MAP4: variants seen among roughly 807,000 people sequenced by gnomAD.
MAP4 encodes the protein microtubule associated protein 4, also known as microtubule-associated protein 4.
In MAP4, 76 loss-of-function variants were observed where a neutral mutation model predicts 170.2. That is an observed-to-expected ratio of 0.45 (90% CI 0.37 to 0.54). The LOEUF (loss-of-function observed/expected upper bound fraction) is 0.54, where lower values mean the gene tolerates loss of function less well. Among genes scored for constraint, MAP4 ranks in the 20% least tolerant of loss-of-function variants. MAP4 has a pLI of 0.00. For missense variants in MAP4, 2,506 were observed against 2,748.0 expected, an observed-to-expected ratio of 0.91 and a Z score of 1.97; for synonymous variants, 909 against 994.5, an observed-to-expected ratio of 0.91 and a Z score of 1.62.
intron 3 of MAP4, among the ~76,000 whole-genome samples, chr3:47,951,204 T>G (rs75547069): frequency 0.011 from 1,734 of 152,364 alleles, 37 homozygotes; most frequent in African/African-American, 0.039. Flanking sequence ...AATGGTGAAC[T>G]TTAATGAATA....
At chr3:47,953,504 CGAGTGAGA>C (rs1309982695) in intron 3 of MAP4, among the ~76,000 whole-genome samples, 2 of 151,556 alleles carry the variant, frequency 1.3e-5, no homozygotes, top group African/African-American at 4.9e-5. Flanking sequence ...CCTGAGTGAC[CGAGTGAGA>C]GCCTGTCTCT....
chr3:47,916,185 G>T lies in MAP4; in HGVS notation c.1642C>A (p.Gln548Lys), dbSNP rs1432211590. ...PEMEVALTED[Q>K]VPALKTEAPL... ...GCTTCTGTTTTGAGGGCTGGGACCT[G>T]ATCCTCAGTCAGGGCCACCTCCATT... is the stretch of plus-strand genomic sequence containing the variant. The change falls in exon 7 of 21, where the codon CAG becomes AAG. Residue 548 changes from glutamine to lysine, a missense_variant. Transcript: ENST00000683076. The T allele has an allele frequency of 2.5e-6, 4 of 1,614,218 alleles. No individual in the cohort carries two copies. Among genetic ancestry groups the T allele is most frequent in the Non-Finnish European group, 3.4e-6 (4 of 1,180,026 alleles).
chr3:48,068,799 G>T (rs542976455), intron 1 of MAP4, among the ~76,000 whole-genome samples: 4 of 152,202 alleles, frequency 2.6e-5, no homozygotes, highest in African/African-American at 9.6e-5. Flanking sequence ...GGGACTATGG[G>T]TACAGTTCAC....
chr3:47,908,122 G>A (rs2100034099), intron 9 of MAP4, among the ~76,000 whole-genome samples: 2 of 151,424 alleles, frequency 1.3e-5, no homozygotes, highest in Non-Finnish European at 2.9e-5. Flanking sequence ...AGTGTCACTT[G>A]TAGGCTGTGA....
intron 10 of MAP4, among the ~76,000 whole-genome samples, chr3:47,880,896 T>C (rs2096607334): frequency 6.6e-6 from 1 of 152,326 alleles, no homozygotes; most frequent in African/African-American, 2.4e-5. Context: ...TTATGAGATT[T>C]TGTTGTTTGA....
At chr3:47,980,869 T>C (rs1209836132) in intron 2 of MAP4, among the ~76,000 whole-genome samples, 1 of 152,200 alleles carries the variant, frequency 6.6e-6, no homozygotes, top group Non-Finnish European at 1.5e-5. Flanking sequence ...TATAAGAAAA[T>C]GGAAATTACA....
intron 3 of MAP4, chr3:47,975,153 CAAG>C: frequency 8.8e-7 from 1 of 1,134,318 alleles, no homozygotes; most frequent in South Asian, 3.6e-5. Flanking sequence ...ATAAAGAAAA[CAAG>C]AAATAAAAGA....
At chr3:47,994,121 CCATTTTTCTTCATTTCTT>C (rs1194212952) in intron 2 of MAP4, among the ~76,000 whole-genome samples, 5 of 152,076 alleles carry the variant, frequency 3.3e-5, no homozygotes, top group Non-Finnish European at 7.4e-5. Flanking sequence ...TAAAGGGCAT[CCATTTTTCTTCATTTCTT>C]CATTTTTCTT....
intron 1 of MAP4, among the ~76,000 whole-genome samples, chr3:48,009,700 G>T (rs2100104250): frequency 1.3e-5 from 2 of 152,094 alleles, no homozygotes; most frequent in Non-Finnish European, 2.9e-5. Flanking sequence ...TTCTCCCATA[G>T]CCAGGATTCA....
chr3:48,075,234 G>C (rs370602441), intron 1 of MAP4, among the ~76,000 whole-genome samples: 2 of 152,164 alleles, frequency 1.3e-5, no homozygotes, highest in African/African-American at 2.4e-5. Flanking sequence ...CAATAGAATT[G>C]AAAGTCCAGG....
chr3:47,933,540 C>G (rs1050094968), intron 3 of MAP4, among the ~76,000 whole-genome samples: 3 of 151,558 alleles, frequency 2.0e-5, no homozygotes, highest in African/African-American at 4.9e-5. Flanking sequence ...CTGACTCAAG[C>G]AATCCTCTCA....
chr3:47,908,992 A>G (rs779724585), intron 9 of MAP4, 46 bp downstream of exon 9: 1 of 1,563,122 alleles, frequency 6.4e-7, no homozygotes, highest in South Asian at 1.2e-5. Flanking sequence ...TCTGATGCTG[A>G]CTCAAAAGCC....
intron 10 of MAP4, among the ~76,000 whole-genome samples, chr3:47,888,104 G>T (rs900041094): frequency 1.3e-5 from 2 of 152,094 alleles, no homozygotes; most frequent in African/African-American, 4.8e-5. Context: ...TCTGTGTGTC[G>T]AAACTCTGTA....
chr3:48,087,295 G>C (rs1033602106), intron 1 of MAP4, among the ~76,000 whole-genome samples: 1 of 152,188 alleles, frequency 6.6e-6, no homozygotes. Context: ...GGAGTCTCCT[G>C]CTTAGCAACT....
intron 1 of MAP4, among the ~76,000 whole-genome samples, chr3:48,032,986 T>C (rs559990485): frequency 7.9e-5 from 12 of 152,266 alleles, no homozygotes; most frequent in Non-Finnish European, 1.5e-4. Flanking sequence ...ACAAAGTAAC[T>C]TGGTGATGTG....
chr3:48,003,773 AG>A (rs1395146723), intron 1 of MAP4, among the ~76,000 whole-genome samples: 1 of 152,148 alleles, frequency 6.6e-6, no homozygotes, highest in Non-Finnish European at 1.5e-5. Context: ...GTGTTGCCAA[AG>A]GAGATTAACA....
At chr3:48,003,156 A>C (rs973299698) in intron 1 of MAP4, among the ~76,000 whole-genome samples, 1 of 152,082 alleles carries the variant, frequency 6.6e-6, no homozygotes, top group Non-Finnish European at 1.5e-5. Flanking sequence ...AATCTTCTCC[A>C]TAAAAAAGTA....
At chr3:48,029,960 C>A in intron 1 of MAP4, among the ~76,000 whole-genome samples, 1 of 146,266 alleles carries the variant, frequency 6.8e-6, no homozygotes. Context: ...ATCCCTACTG[C>A]ACAGAGCAAC....
intron 19 of MAP4, among the ~76,000 whole-genome samples, chr3:47,854,789 C>G (rs533160014): frequency 8.2e-6 from 1 of 121,912 alleles, no homozygotes; most frequent in Non-Finnish European, 1.7e-5. Context: ...CAGAGGGAGG[C>G]CCCAGGCAGC....
Sources: gnomAD v4.1 joint callset for allele counts (sites outside exome capture counted in the v4.1 genomes callset) on GRCh38, gnomAD v4.1.1 for gene constraint, MANE v1.5 for transcripts, NCBI Gene and HGNC (gene_info 2026-07-23, HGNC 2026-07-21) for gene names.